The following ZMIZ2 variants were observed in gnomAD, a reference collection of about 807,000 sequenced individuals.
ZMIZ2 encodes zinc finger MIZ-type containing 2.
ZMIZ2 carries 26 observed loss-of-function variants against 93.9 expected under a neutral mutation model. The ratio of observed to expected loss-of-function variants is 0.28; its 90% CI spans 0.20 to 0.38. ZMIZ2 has a LOEUF of 0.38. Among genes scored for constraint, ZMIZ2 ranks in the 10% least tolerant of loss-of-function variants. The pLI, the probability that ZMIZ2 is intolerant of heterozygous loss-of-function variation, is 1.00. For missense variants in ZMIZ2, 1,023 were observed against 1,235.0 expected, an observed-to-expected ratio of 0.83 and a Z score of 2.57; for synonymous variants, 485 against 516.4, an observed-to-expected ratio of 0.94 and a Z score of 0.82.
In ZMIZ2 at chr7:44,761,454, G is replaced by A. The variant is rs577059407; in HGVS notation, c.1246G>A (p.Gly416Arg). 17 of 1,613,168 alleles carry A rather than the reference G, an allele frequency of 1.1e-5. No individual in the cohort carries two copies. The highest frequency in any genetic ancestry group is 2.2e-5 in the East Asian group (1 of 44,888). ...CCAGTGGCCTCTGCTCCCAGGAAGCGGGCCTTGTGACGAGTTGCGGCTGAC... is the reference window on the plus strand; with the variant it reads ...CCAGTGGCCTCTGCTCCCAGGAAGCAGGCCTTGTGACGAGTTGCGGCTGAC... ...NSLHSSPSGS[G>R]PCDELRLTFP... The change falls in exon 10 of 19, where the codon GGG becomes AGG. Residue 416 changes from glycine (G) to arginine (R), a missense_variant. Transcript: ENST00000309315. This position sits in a 1 kb window ranked among gnomAD's most constrained non-coding sequence, Gnocchi z 5.8.
At chr7:44,754,758 T>C (rs1208813118) in intron 1 of ZMIZ2, among the ~76,000 whole-genome samples, 2 of 152,138 alleles carry the variant, frequency 1.3e-5, no homozygotes. Flanking sequence ...TCAGGTGGCA[T>C]GTCTGTGTGT....
intron 11 of ZMIZ2, 131 bp downstream of exon 11, chr7:44,762,036 C>G (rs1791243823): frequency 1.9e-5 from 23 of 1,225,984 alleles, no homozygotes; most frequent in Non-Finnish European, 2.5e-5. Context: ...GGAGCGGAGC[C>G]AGGACATGGG....
At chr7:44,762,064 C>T in intron 11 of ZMIZ2, 159 bp downstream of exon 11, 3 of 986,674 alleles carry the variant, frequency 3.0e-6, no homozygotes, top group Non-Finnish European at 4.2e-6. Flanking sequence ...GCCTGCAGCA[C>T]CATCAGATCA....
chr7:44,766,536 C>G lies in ZMIZ2; in HGVS notation c.2528C>G (p.Ala843Gly). 1 of 1,614,106 alleles carries G rather than the reference C, an allele frequency of 6.2e-7. No individual in the cohort carries two copies. The highest frequency in any genetic ancestry group is 1.1e-5 in the South Asian group (1 of 91,086). The change falls in exon 18 of 19, where the codon GCG becomes GGG. Residue 843 changes from alanine (A) to glycine (G), a missense_variant. Physicochemically the swap from Ala to Gly is moderately conservative, Grantham distance 60. Around this residue, in one of 3 missense-constraint regions of ZMIZ2, gnomAD observed 319 missense variants for 358.8 expected, o/e 0.89. Coordinates refer to ENST00000309315, the MANE Select transcript of ZMIZ2 (RefSeq NM_031449.4). The surrounding 1 kb of genome is among the most constrained non-coding windows in gnomAD (Gnocchi z 4.4). The part of the protein sequence containing the change: ...PQLHHSNPPP[A>G]SRQSLGQASL... The stretch of plus-strand genomic sequence containing the variant: ...CTGCACCATTCAAACCCTCCCCCAG[C>G]GTCCCGGCAGTCCTTGGGCCAAGCG...
In ZMIZ2 at chr7:44,759,258, C is replaced by T. The variant is rs556063593; in HGVS notation, c.814-23C>T. 10 of 1,474,592 alleles carry T rather than the reference C, an allele frequency of 6.8e-6. No homozygotes were observed. Among genetic ancestry groups the T allele is most frequent in the African/African-American group, 4.3e-5 (3 of 69,102 alleles). 91.3% of individuals were successfully genotyped at this position (1,474,592 alleles called of 1,614,324 possible). ...TCCCCTGATGCCTTTTTTCTCCCCT[C>T]GGGCATTTTGCCTCTTTTTCAGGTG... On this transcript the variant is annotated intron_variant, in intron 6 of 18. Coordinates refer to ENST00000309315, the MANE Select transcript of ZMIZ2 (RefSeq NM_031449.4).
Position 44,758,012 on chromosome 7 carries a change from C to T in ZMIZ2, c.717C>T (p.Pro239=), listed in dbSNP as rs1447522134. 6.2e-7 allele frequency: 1 copy of T among 1,612,072 alleles called. No homozygotes were observed. Among genetic ancestry groups the T allele is most frequent in the East Asian group, 2.2e-5 (1 of 44,850 alleles). The change falls in exon 6 of 19, where the codon CCC becomes CCT. Residue 239 remains proline (P), a synonymous_variant. Transcript: ENST00000309315. The part of the protein sequence containing the change: ...MNPTRAAGMT[P]LYAGQRLPQH... ...CCACCCGGGCAGCAGGAATGACACC[C>T]TTGTATGCAGGGCAGCGTCTGCCCC...
intron 6 of ZMIZ2, among the ~76,000 whole-genome samples, chr7:44,758,724 A>G (rs1056548122): frequency 6.6e-6 from 1 of 152,030 alleles, no homozygotes; most frequent in Admixed American, 6.6e-5. Flanking sequence ...CAGCCTGGCC[A>G]GCATGGTGAA....
chr7:44,765,453 G>T lies in ZMIZ2; in HGVS notation c.2116G>T (p.Val706Leu). ...DGPALKRCRT[V>L]SPAHVLMPSV... Reference sequence around the variant, plus strand: ...GCCAGCACTGAAGCGCTGCCGCACCGTGAGCCCCGCCCACGTGCTCATGCC... The same window carrying T: ...GCCAGCACTGAAGCGCTGCCGCACCTTGAGCCCCGCCCACGTGCTCATGCC... The change falls in exon 16 of 19, where the codon GTG (valine) becomes TTG (leucine). Residue 706 changes from valine to leucine, a missense_variant. Val to Leu is a conservative substitution (Grantham distance 32, BLOSUM62 1). This residue lies in a region of ZMIZ2 where 319 missense variants were observed against 358.8 expected (regional missense o/e 0.89). Coordinates refer to ENST00000309315, the MANE Select transcript of ZMIZ2 (RefSeq NM_031449.4). The surrounding 1 kb of genome is among the most constrained non-coding windows in gnomAD (Gnocchi z 4.1). 1 of 1,606,700 alleles carries T rather than the reference G, an allele frequency of 6.2e-7. No individual in the cohort carries two copies.
In ZMIZ2 at chr7:44,760,267, C is replaced by A. The variant is rs7788671; in HGVS notation, c.1071+39C>A. 3.4e-3 allele frequency: 5,423 copies of A among 1,594,776 alleles called. 167 individuals carry two copies. The African/African-American group carries it at 0.064, about 19-fold the overall frequency. On this transcript the variant is annotated intron_variant, in intron 8 of 18. Transcript: ENST00000309315. ...CCGGGAGGATGGGCCGGGAGGCTCA[C>A]AGGGTGGGCATATGGAGAGAGGGCG...
In ZMIZ2 at chr7:44,761,516, C is replaced by G. The variant is rs541288476; in HGVS notation, c.1308C>G (p.Phe436Leu). 1 of 1,614,156 alleles carries G rather than the reference C, an allele frequency of 6.2e-7. No homozygotes were observed. Among genetic ancestry groups the G allele is most frequent in the East Asian group, 2.2e-5 (1 of 44,888 alleles). Residue 436 changes from phenylalanine to leucine, a missense_variant, in exon 10 of 19, where the codon TTC becomes TTG. Phe to Leu is a conservative substitution (Grantham distance 22, BLOSUM62 0). This residue lies in a region of ZMIZ2 where 656 missense variants were observed against 777.1 expected (regional missense o/e 0.84). Transcript: ENST00000309315. The surrounding 1 kb of genome is among the most constrained non-coding windows in gnomAD (Gnocchi z 5.8). Reference protein sequence around the residue: ...PVRDGVVLEPFRLQHNLAVSN... With the variant: ...PVRDGVVLEPLRLQHNLAVSN... The stretch of plus-strand genomic sequence containing the variant: ...GCGATGGGGTGGTCCTGGAGCCCTT[C>G]CGCCTGCAGCACAACCTGGCTGTAA...
rs932087065 is a variant in ZMIZ2, at chr7:44,769,020, CAGT to C, written c.*1398_*1400del. The C allele has an allele frequency of 4.6e-5, 7 of 152,708 alleles. No homozygotes were observed. Among genetic ancestry groups the C allele is most frequent in the African/African-American group, 1.4e-4 (6 of 41,462 alleles). The allele number at this position is 152,708 out of a possible 1,614,324, so 9.5% of individuals were successfully genotyped here. ...CTGGGCTTGCCCTGGGGCACTGAGACAGTTGTTTGGCAGCCCCAGCCCAGCCAG... is the reference window on the plus strand; with the variant it reads ...CTGGGCTTGCCCTGGGGCACTGAGACTGTTTGGCAGCCCCAGCCCAGCCAG... On this transcript the variant is annotated 3_prime_UTR_variant, in exon 19 of 19. Coordinates refer to ENST00000309315, the MANE Select transcript of ZMIZ2 (RefSeq NM_031449.4).
At chr7:44,767,269 T>C (rs550177915) in intron 18 of ZMIZ2, among the ~76,000 whole-genome samples, 4 of 152,292 alleles carry the variant, frequency 2.6e-5, no homozygotes, top group African/African-American at 9.6e-5. Context: ...CTGGTGGTAT[T>C]GAACAGCATG....
intron 1 of ZMIZ2, chr7:44,749,954 G>GA (rs1200350959): frequency 6.6e-6 from 1 of 152,220 alleles, no homozygotes; most frequent in Admixed American, 6.5e-5. Context: ...GGAAACAGGA[G>GA]AAGTGAAGGA....
chr7:44,762,756 T>A, intron 11 of ZMIZ2, 125 bp from the exon 12 acceptor site: 65 of 342,518 alleles, frequency 1.9e-4, no homozygotes, highest in Non-Finnish European at 2.7e-4. Context: ...CAGCTCACCC[T>A]GCCCTCAGCC....
At chr7:44,764,058 A>G (rs1562744357) in intron 13 of ZMIZ2, among the ~76,000 whole-genome samples, 1 of 152,150 alleles carries the variant, frequency 6.6e-6, no homozygotes, top group African/African-American at 2.4e-5. Flanking sequence ...GAATCGCTTG[A>G]ACCTGGGAGG....
At chr7:44,757,175 G>A (rs1790673269) in intron 4 of ZMIZ2, 26 bp downstream of exon 4, 1 of 1,580,026 alleles carries the variant, frequency 6.3e-7, no homozygotes, top group Non-Finnish European at 8.5e-7. Flanking sequence ...CACCTGGCAG[G>A]TATGCTAGGA....
chr7:44,749,156 G>A (rs1256117512), intron 1 of ZMIZ2, among the ~76,000 whole-genome samples, 165 bp downstream of exon 1: 1 of 152,064 alleles, frequency 6.6e-6, no homozygotes, highest in Non-Finnish European at 1.5e-5. Context: ...CCACGGTAGG[G>A]TTCACAGCTG....
intron 9 of ZMIZ2, among the ~76,000 whole-genome samples, chr7:44,760,880 ATCT>A (rs1175899315): frequency 2.7e-5 from 4 of 149,340 alleles, no homozygotes; most frequent in Non-Finnish European, 5.9e-5. Flanking sequence ...CAAGGATTCC[ATCT>A]TCTTAAAGAC....
intron 1 of ZMIZ2, 86 bp from the exon 2 acceptor site, chr7:44,756,102 G>A (rs2116689824): frequency 1.9e-6 from 2 of 1,055,936 alleles, no homozygotes; most frequent in East Asian, 5.2e-5. Flanking sequence ...AAGAGGTGGG[G>A]CCTGCTGGCA....
Sources: gnomAD v4.1 joint callset for allele counts (sites outside exome capture counted in the v4.1 genomes callset) on GRCh38, gnomAD v4.1.1 for gene constraint, gnomAD v4.1.1 regional missense constraint, Gnocchi (gnomAD v3.1) non-coding constraint, MANE v1.5 for transcripts, NCBI Gene and HGNC (gene_info 2026-07-23, HGNC 2026-07-21) for gene names.